Variants in PPAT observed in about 807,000 individuals in gnomAD.
PPAT encodes the protein amidophosphoribosyltransferase.
PPAT carries 20 observed loss-of-function variants against 60.2 expected under a neutral mutation model. The observed-to-expected ratio is 0.33, with a 90% CI of 0.23 to 0.48. The LOEUF (loss-of-function observed/expected upper bound fraction) is 0.48. Ranked by LOEUF, PPAT falls within the 20% of genes least tolerant of loss-of-function variation. The pLI, the probability that PPAT is intolerant of heterozygous loss-of-function variation, is 0.99. For synonymous variants in PPAT, 194 were observed against 215.1 expected (o/e 0.90, Z 0.86); for missense variants, 349 against 629.6 (o/e 0.55, Z 4.77).
At chr4:56,422,631 C>T (rs951148276) in intron 1 of PPAT, 1 of 151,972 alleles carries the variant, frequency 6.6e-6, no homozygotes, top group Admixed American at 6.6e-5. Flanking sequence ...TATTTGGAGA[C>T]AGGGCCTTTG....
chr4:56,399,439 T>C (rs1190694817), intron 8 of PPAT, 39 bp from the exon 9 acceptor site: 12 of 1,460,028 alleles, frequency 8.2e-6, no homozygotes, highest in Admixed American at 1.8e-5. Context: ...AGGAGTAATA[T>C]ACAGAATAGG....
chr4:56,395,194 G>T lies in PPAT; in HGVS notation c.*158C>A. ...GGAAATGTTCAGTTATCGCACTTTGGTATCCTTTTCAGAAAAAAAAAAAAT... is the reference window on the plus strand; with the variant it reads ...GGAAATGTTCAGTTATCGCACTTTGTTATCCTTTTCAGAAAAAAAAAAAAT... On this transcript the variant is annotated 3_prime_UTR_variant, in exon 11 of 11. Transcript: ENST00000264220. The T allele has an allele frequency of 3.3e-6, 2 of 605,902 alleles. No individual in the cohort carries two copies. Among genetic ancestry groups the T allele is most frequent in the Non-Finnish European group, 5.5e-6 (2 of 365,326 alleles). The allele number at this position is 605,902 out of a possible 1,614,324, so 37.5% of individuals were successfully genotyped here.
chr4:56,418,366 C>T (rs1578128848), intron 1 of PPAT, among the ~76,000 whole-genome samples: 1 of 152,130 alleles, frequency 6.6e-6, no homozygotes. Context: ...TTTGCCCAAG[C>T]TGGAGTGCAG....
intron 9 of PPAT, among the ~76,000 whole-genome samples, chr4:56,398,864 G>T: frequency 6.7e-6 from 1 of 149,086 alleles, no homozygotes; most frequent in Non-Finnish European, 1.5e-5. Context: ...TATTGCCCAG[G>T]CTGTTCTCGA....
At chr4:56,402,051 T>C in intron 6 of PPAT, 58 bp downstream of exon 6, 12 of 1,344,558 alleles carry the variant, frequency 8.9e-6, no homozygotes, top group Non-Finnish European at 1.2e-5. Context: ...AGAAACTGTC[T>C]AAAAAAAATT....
intron 1 of PPAT, chr4:56,431,523 G>A (rs73157739): frequency 0.023 from 22,341 of 981,104 alleles, 439 homozygotes; most frequent in East Asian, 0.2. Flanking sequence ...GAATGTTTCT[G>A]CAGACAGAAA....
chr4:56,431,584 T>C, intron 1 of PPAT: 1 of 911,624 alleles, frequency 1.1e-6, no homozygotes, highest in Non-Finnish European at 1.3e-6. Flanking sequence ...ATGAAAATGT[T>C]TGTCATTGTA....
At chr4:56,406,363 C>G in intron 3 of PPAT, 132 bp downstream of exon 3, 4 of 881,846 alleles carry the variant, frequency 4.5e-6, no homozygotes, top group Non-Finnish European at 7.0e-6. Flanking sequence ...CATTCTGATG[C>G]AATTGTTTGT....
At chr4:56,434,798 T>G (rs1717806727) in intron 1 of PPAT, among the ~76,000 whole-genome samples, 1 of 152,238 alleles carries the variant, frequency 6.6e-6, no homozygotes, top group Non-Finnish European at 1.5e-5. Context: ...CATCTTTCCC[T>G]GGGTCTGAAG....
At chr4:56,426,996 A>G (rs1368950561) in intron 1 of PPAT, among the ~76,000 whole-genome samples, 1 of 152,128 alleles carries the variant, frequency 6.6e-6, no homozygotes, top group Non-Finnish European at 1.5e-5. Context: ...GAATCATACA[A>G]TATTCGTCCA....
At chr4:56,405,199 T>G (rs775249277) in intron 3 of PPAT, among the ~76,000 whole-genome samples, 35 of 152,208 alleles carry the variant, frequency 2.3e-4, no homozygotes, top group Non-Finnish European at 4.1e-4. Flanking sequence ...ACCAAGAGTT[T>G]AAGTAAACAG....
chr4:56,399,534 C>A, intron 8 of PPAT, 134 bp from the exon 9 acceptor site: 5 of 726,190 alleles, frequency 6.9e-6, no homozygotes, highest in Non-Finnish European at 8.7e-6. Context: ...GGAAAAAAGG[C>A]AAAAAGAAAA....
chr4:56,400,619 T>C (rs1716086883), intron 8 of PPAT, 165 bp downstream of exon 8: 2 of 726,684 alleles, frequency 2.8e-6, no homozygotes, highest in Non-Finnish European at 4.1e-6. Flanking sequence ...ATAGTGCCAT[T>C]GGATAAAAAG....
intron 1 of PPAT, chr4:56,420,238 T>C (rs1716970252): frequency 6.5e-6 from 1 of 152,870 alleles, no homozygotes; most frequent in South Asian, 2.1e-4. Context: ...TTCATATGTG[T>C]TTCATATATA....
At chr4:56,409,979 A>G (rs1429141363) in intron 1 of PPAT, among the ~76,000 whole-genome samples, 1 of 152,208 alleles carries the variant, frequency 6.6e-6, no homozygotes, top group African/African-American at 2.4e-5. Context: ...ATTTTATTAA[A>G]TGCATTAAAT....
At chr4:56,402,442 C>T (rs1267957795) in intron 5 of PPAT, among the ~76,000 whole-genome samples, 1 of 151,962 alleles carries the variant, frequency 6.6e-6, no homozygotes, top group African/African-American at 2.4e-5. Context: ...AATCATACTG[C>T]AGAAATGAAA....
chr4:56,431,150 A>G (rs1445679182), intron 1 of PPAT, among the ~76,000 whole-genome samples: 1 of 152,210 alleles, frequency 6.6e-6, no homozygotes, highest in Admixed American at 6.5e-5. Context: ...ACTCAGATAA[A>G]GGTTATAGAT....
At chr4:56,405,005 G>A (rs954684858) in intron 3 of PPAT, among the ~76,000 whole-genome samples, 5 of 151,468 alleles carry the variant, frequency 3.3e-5, no homozygotes, top group South Asian at 2.1e-4. Flanking sequence ...GTTATTGGGA[G>A]CTAATAAACT....
At chr4:56,419,530 C>A in intron 1 of PPAT, 1 of 325,688 alleles carries the variant, frequency 3.1e-6, no homozygotes, top group Non-Finnish European at 4.4e-6. Flanking sequence ...GAGGAAACTG[C>A]TTTCTTTAAT....
Sources: allele counts gnomAD v4.1 joint callset (sites outside exome capture counted in the v4.1 genomes callset), GRCh38; gene constraint gnomAD v4.1.1; transcripts MANE v1.5; gene names NCBI Gene and HGNC (gene_info 2026-07-23, HGNC 2026-07-21).